DLGAP4: variants seen among roughly 807,000 people sequenced by gnomAD.
The protein encoded by DLGAP4 is disks large-associated protein 4.
Under a neutral mutation model 86.9 loss-of-function variants are expected in DLGAP4, and 18 were observed. That is an observed-to-expected ratio of 0.21 (90% CI 0.14 to 0.31). The LOEUF is 0.31. Among genes scored for constraint, DLGAP4 ranks in the 10% least tolerant of loss-of-function variants. The pLI is 1.00. For missense variants in DLGAP4, 1,085 were observed against 1,362.6 expected (o/e 0.80, Z 3.21); for synonymous variants, 548 against 574.3 (o/e 0.95, Z 0.65).
chr20:36,459,506 A>G (rs1169181766), intron 7 of DLGAP4, among the ~76,000 whole-genome samples: 1 of 152,164 alleles, frequency 6.6e-6, no homozygotes, highest in Non-Finnish European at 1.5e-5. Flanking sequence ...CTTCCTGAGT[A>G]GCTGAGGAGC....
At chr20:36,352,157 C>A (rs1555893518) in intron 1 of DLGAP4, among the ~76,000 whole-genome samples, 1 of 150,988 alleles carries the variant, frequency 6.6e-6, no homozygotes, top group Non-Finnish European at 1.5e-5. Context: ...GGAGCAGCTG[C>A]AACTGAAGAA....
In DLGAP4 at chr20:36,524,331, A is replaced by G. The variant is rs764803025; in HGVS notation, c.2594A>G (p.Glu865Gly). Residue 865 changes from glutamate (E) to glycine (G), a missense_variant, in exon 11 of 13, where the codon GAG becomes GGG. By Grantham distance (98) the Glu-to-Gly change is moderately conservative. Coordinates refer to ENST00000339266, the MANE Select transcript of DLGAP4 (RefSeq NM_001365621.2). ...QKFQQFRGLC[E>G]QNLNPDANPR... is the part of the protein sequence containing the mutation. ...TTCCAGCAGTTCCGGGGCCTCTGTG[A>G]GCAAAACTTGGTGAGTGTGATTCTC... 1.9e-6 allele frequency: 3 copies of G among 1,613,068 alleles called. No homozygotes were observed. In the South Asian group the frequency reaches 3.3e-5, roughly 18 times the overall value.
In DLGAP4 at chr20:36,396,503, TAC is replaced by T. The variant is rs749088821; in HGVS notation, c.-73+29237_-73+29238del. Among the ~76,000 whole-genome samples, 134 of 90,498 alleles carry T rather than the reference TAC, an allele frequency of 1.5e-3. 1 individual carries two copies. The highest frequency in any genetic ancestry group is 5.6e-3 in the African/African-American group (120 of 21,560). The allele number at this position is 90,498 out of a possible 152,430, so 59.4% of individuals were successfully genotyped here. On this transcript the variant is annotated intron_variant, in intron 2 of 12. Coordinates refer to ENST00000339266, the MANE Select transcript of DLGAP4 (RefSeq NM_001365621.2). ...ACACACACCACACACATGCACACCA[TAC>T]ACACACACCACATACATACACGTGC...
chr20:36,464,196 G>C (rs1305952391), intron 7 of DLGAP4, among the ~76,000 whole-genome samples: 1 of 152,034 alleles, frequency 6.6e-6, no homozygotes, highest in African/African-American at 2.4e-5. Context: ...CTTTCCTTTG[G>C]GCTTCAGCTT....
intron 5 of DLGAP4, among the ~76,000 whole-genome samples, chr20:36,442,414 G>A (rs183106404): frequency 2.4e-3 from 360 of 152,236 alleles, no homozygotes; most frequent in Non-Finnish European, 4.0e-3. Context: ...GGCTGGTCTC[G>A]AATTCCCAAC....
chr20:36,464,910 A>G (rs567885948), intron 7 of DLGAP4, among the ~76,000 whole-genome samples: 11 of 152,156 alleles, frequency 7.2e-5, no homozygotes, highest in Admixed American at 2.0e-4. Flanking sequence ...CAGAACCACA[A>G]ACGCCTGGTT....
At position 36,470,178 on chromosome 20, in the gene DLGAP4, C is replaced by T. The variant is rs540062833; in HGVS notation, c.1648+23241C>T. On this transcript the variant is annotated intron_variant, in intron 7 of 12. Coordinates refer to ENST00000339266, the MANE Select transcript of DLGAP4 (RefSeq NM_001365621.2). ...CCCTTATCAGTTTCACTTAATTTCC[C>T]GTCCTTCCTGTAGGAACCCTCTCAT... is the stretch of plus-strand genomic sequence containing the variant. Among the ~76,000 whole-genome samples the T allele has an allele frequency of 5.3e-5, 8 of 152,238 alleles. No homozygotes were observed. The South Asian group carries it at 1.2e-3, about 24-fold the overall frequency.
At chr20:36,367,822 G>A (rs1288713493) in intron 2 of DLGAP4, among the ~76,000 whole-genome samples, 1 of 152,184 alleles carries the variant, frequency 6.6e-6, no homozygotes, top group East Asian at 1.9e-4. Flanking sequence ...CCAACCGTCT[G>A]TCTGGGGGTG....
intron 1 of DLGAP4, among the ~76,000 whole-genome samples, chr20:36,331,903 G>A (rs2147359979): frequency 6.6e-6 from 1 of 152,160 alleles, no homozygotes; most frequent in South Asian, 2.1e-4. Flanking sequence ...GGATCGGGTG[G>A]GGGTTCCAGG....
Position 36,436,207 on chromosome 20 carries a change from CG to C in DLGAP4, c.1100del (p.Gly367AlafsTer33). The part of the protein sequence containing the change: ...GPIPCRRMRS[G>X]SYIKAMGDED... Reference sequence around the variant, plus strand: ...CTATCCCGTGCCGGCGCATGCGCAGCGGCAGCTACATCAAGGCCATGGGCGA... The same window carrying C: ...CTATCCCGTGCCGGCGCATGCGCAGCGCAGCTACATCAAGGCCATGGGCGA... On this transcript the variant is annotated frameshift_variant, in exon 4 of 13. Transcript: ENST00000339266. LOFTEE classifies it high-confidence loss of function. The C allele has an allele frequency of 6.2e-7, 1 of 1,603,632 alleles. No homozygotes were observed.
intron 7 of DLGAP4, among the ~76,000 whole-genome samples, chr20:36,467,036 CTCTCTCTCTCTCT>C (rs2147644623): frequency 7.9e-6 from 1 of 126,718 alleles, no homozygotes; most frequent in Non-Finnish European, 1.6e-5. Flanking sequence ...CTCTCTCTCT[CTCTCTCTCTCTCT>C]CTCTCTCTCT....
chr20:36,466,987 CTCTG>C (rs1374787526), intron 7 of DLGAP4, among the ~76,000 whole-genome samples: 1 of 147,090 alleles, frequency 6.8e-6, no homozygotes, highest in African/African-American at 2.6e-5. Flanking sequence ...CTCTCTCTCT[CTCTG>C]TCTCTGTCTC....
At chr20:36,373,775 G>A (rs374551282) in intron 2 of DLGAP4, among the ~76,000 whole-genome samples, 28 of 152,278 alleles carry the variant, frequency 1.8e-4, no homozygotes, top group African/African-American at 5.1e-4. Flanking sequence ...GCTCATGCCC[G>A]TAATCCCAGC....
chr20:36,505,276 C>G (rs890790887), intron 10 of DLGAP4, among the ~76,000 whole-genome samples: 1 of 152,104 alleles, frequency 6.6e-6, no homozygotes, highest in Non-Finnish European at 1.5e-5. Context: ...CATGAGCCAC[C>G]ACGCCTGGCT....
At chr20:36,416,821 A>G (rs1325875869) in intron 2 of DLGAP4, among the ~76,000 whole-genome samples, 1 of 152,130 alleles carries the variant, frequency 6.6e-6, no homozygotes, top group Admixed American at 6.5e-5. Context: ...AAGAAGCAAA[A>G]AAGAGGTGTG....
At chr20:36,426,483 C>T (rs1280898986) in intron 2 of DLGAP4, among the ~76,000 whole-genome samples, 1 of 152,038 alleles carries the variant, frequency 6.6e-6, no homozygotes, top group African/African-American at 2.4e-5. Context: ...CCACCGCACT[C>T]CAGCCTGGGT....
intron 7 of DLGAP4, among the ~76,000 whole-genome samples, chr20:36,465,645 CA>C (rs2034316761): frequency 6.6e-6 from 1 of 152,144 alleles, no homozygotes; most frequent in Non-Finnish European, 1.5e-5. Context: ...GGGACTGAGT[CA>C]CCACCTCCCG....
intron 2 of DLGAP4, among the ~76,000 whole-genome samples, chr20:36,403,011 GA>G (rs2032208178): frequency 6.6e-6 from 1 of 152,200 alleles, no homozygotes; most frequent in South Asian, 2.1e-4. Flanking sequence ...TGTCCTCTGA[GA>G]AAAGAGGACA....
intron 2 of DLGAP4, among the ~76,000 whole-genome samples, chr20:36,404,680 C>T (rs2032261243): frequency 6.6e-6 from 1 of 152,200 alleles, no homozygotes; most frequent in Non-Finnish European, 1.5e-5. Context: ...ATCAGTCTTC[C>T]CCACAAGACA....
Sources: gnomAD v4.1 joint callset for allele counts (sites outside exome capture counted in the v4.1 genomes callset) on GRCh38, gnomAD v4.1.1 for gene constraint, MANE v1.5 for transcripts, NCBI Gene and HGNC (gene_info 2026-07-23, HGNC 2026-07-21) for gene names.